MBNL1: variants seen among roughly 807,000 people sequenced by gnomAD.
MBNL1 encodes muscleblind-like protein 1.
MBNL1 carries 8 observed loss-of-function variants against 42.2 expected under a neutral mutation model. The ratio of observed to expected loss-of-function variants is 0.19; its 90% CI spans 0.11 to 0.34. The LOEUF is 0.34. Ranked by LOEUF, MBNL1 falls within the 10% of genes least tolerant of loss-of-function variation. The probability of loss-of-function intolerance (pLI) is 1.00; values close to 1 mark genes in which losing one functional copy is unlikely to be tolerated. For missense variants in MBNL1, 309 were observed against 495.3 expected, an observed-to-expected ratio of 0.62 and a Z score of 3.57; for synonymous variants, 169 against 173.9, an observed-to-expected ratio of 0.97 and a Z score of 0.22.
At chr3:152,389,199 C>T (rs911973796) in intron 2 of MBNL1, among the ~76,000 whole-genome samples, 4 of 152,098 alleles carry the variant, frequency 2.6e-5, no homozygotes, top group Admixed American at 1.3e-4. Flanking sequence ...ATCGATTCTC[C>T]GGCCTCAGCC....
chr3:152,378,933 C>T (rs2097052452), intron 2 of MBNL1, among the ~76,000 whole-genome samples: 1 of 151,980 alleles, frequency 6.6e-6, no homozygotes, highest in Non-Finnish European at 1.5e-5. Flanking sequence ...TCAGGCTGGT[C>T]TCACACTCCT....
At chr3:152,380,326 G>C (rs1038727022) in intron 2 of MBNL1, among the ~76,000 whole-genome samples, 7 of 151,984 alleles carry the variant, frequency 4.6e-5, no homozygotes, top group African/African-American at 1.7e-4. Context: ...AATTTGACAC[G>C]CTCCTTATCT....
chr3:152,356,270 A>G (rs1049680357), intron 2 of MBNL1, among the ~76,000 whole-genome samples: 9 of 151,404 alleles, frequency 5.9e-5, no homozygotes, highest in East Asian at 5.8e-4. Context: ...TTATTATTCT[A>G]TTCTTTCCTG....
At chr3:152,368,374 C>T (rs781660992) in intron 2 of MBNL1, among the ~76,000 whole-genome samples, 1 of 152,118 alleles carries the variant, frequency 6.6e-6, no homozygotes, top group East Asian at 1.9e-4. Flanking sequence ...GTCTATATAT[C>T]TGTTTTGCTA....
intron 1 of MBNL1, among the ~76,000 whole-genome samples, chr3:152,286,588 A>G (rs1290924606): frequency 7.1e-6 from 1 of 141,144 alleles, no homozygotes; most frequent in Admixed American, 7.2e-5. Context: ...ATATTTAATT[A>G]TATTTTATAG....
At chr3:152,248,671 G>A (rs556273913) in intron 2 of MBNL1, among the ~76,000 whole-genome samples, 13 of 151,828 alleles carry the variant, frequency 8.6e-5, no homozygotes, top group Non-Finnish European at 1.3e-4. Flanking sequence ...CAATGTGCAG[G>A]TTAGGTACAT....
upstream of MBNL1, chr3:152,267,553 GA>G (rs2037538585): frequency 6.6e-6 from 1 of 152,208 alleles, no homozygotes; most frequent in African/African-American, 2.4e-5. Context: ...TGGGCAGATA[GA>G]AAGTTCCCAT....
intron 2 of MBNL1, among the ~76,000 whole-genome samples, chr3:152,250,556 C>T (rs1221160914): frequency 3.3e-5 from 5 of 152,044 alleles, no homozygotes; most frequent in South Asian, 2.1e-4. Context: ...ACAATCAAGT[C>T]GTCTGCAAAC....
chr3:152,414,914 T>C, intron 2 of MBNL1, 27 bp from the exon 3 acceptor site: 1 of 1,606,124 alleles, frequency 6.2e-7, no homozygotes, highest in Non-Finnish European at 8.5e-7. Context: ...TTTTCTAAGA[T>C]GATGTTTGCT....
chr3:152,324,757 T>TA (rs945650663), intron 2 of MBNL1, among the ~76,000 whole-genome samples: 1 of 152,150 alleles, frequency 6.6e-6, no homozygotes, highest in African/African-American at 2.4e-5. Flanking sequence ...CTGGGAAAGT[T>TA]ACTTAGCTTT....
intron 3 of MBNL1, among the ~76,000 whole-genome samples, chr3:152,426,413 T>C (rs934560828): frequency 5.9e-5 from 9 of 152,370 alleles, no homozygotes; most frequent in African/African-American, 2.2e-4. Context: ...TTATTATTTT[T>C]ACTTTGTCAC....
At chr3:152,395,750 A>G (rs779848559) in intron 2 of MBNL1, among the ~76,000 whole-genome samples, 4 of 152,032 alleles carry the variant, frequency 2.6e-5, no homozygotes, top group Admixed American at 1.3e-4. Flanking sequence ...TCTGAACTTA[A>G]CCTCCCCTGA....
chr3:152,315,372 C>A (rs1408725337), intron 2 of MBNL1, among the ~76,000 whole-genome samples: 1 of 152,170 alleles, frequency 6.6e-6, no homozygotes, highest in African/African-American at 2.4e-5. Flanking sequence ...AAATCCACTT[C>A]TCTGAAACTC....
At chr3:152,315,663 C>T (rs1042458752) in intron 2 of MBNL1, among the ~76,000 whole-genome samples, 1 of 152,068 alleles carries the variant, frequency 6.6e-6, no homozygotes, top group African/African-American at 2.4e-5. Flanking sequence ...AATTAACCTT[C>T]AGAATGAGAT....
chr3:152,260,236 C>G (rs554416084), intron 2 of MBNL1, among the ~76,000 whole-genome samples: 2 of 152,264 alleles, frequency 1.3e-5, no homozygotes, highest in South Asian at 4.1e-4. Context: ...TCTAAAAACA[C>G]ATTCATTACT....
chr3:152,357,146 A>G (rs2095587123), intron 2 of MBNL1, among the ~76,000 whole-genome samples: 2 of 152,216 alleles, frequency 1.3e-5, no homozygotes, highest in African/African-American at 4.8e-5. Flanking sequence ...ATAAGAATAG[A>G]GAGCCCAGTG....
chr3:152,323,946 T>A (rs547702243), intron 2 of MBNL1, among the ~76,000 whole-genome samples: 9 of 152,294 alleles, frequency 5.9e-5, no homozygotes, highest in African/African-American at 2.2e-4. Context: ...ACACCTTTTA[T>A]ATGACATGCA....
chr3:152,290,118 A>G (rs1297197913), intron 1 of MBNL1, among the ~76,000 whole-genome samples: 1 of 152,086 alleles, frequency 6.6e-6, no homozygotes, highest in Non-Finnish European at 1.5e-5. Context: ...GATTGAGGTT[A>G]TCACACCAGG....
intron 2 of MBNL1, among the ~76,000 whole-genome samples, chr3:152,361,954 C>T (rs1338922596): frequency 6.6e-6 from 1 of 152,124 alleles, no homozygotes; most frequent in African/African-American, 2.4e-5. Flanking sequence ...AAATGTGTTG[C>T]TCTCAGCAAG....
Sources: allele counts gnomAD v4.1 joint callset (sites outside exome capture counted in the v4.1 genomes callset), GRCh38; gene constraint gnomAD v4.1.1; transcripts MANE v1.5; gene names NCBI Gene and HGNC (gene_info 2026-07-23, HGNC 2026-07-21).